Variants in TBC1D32 observed in about 807,000 individuals in gnomAD.
TBC1D32 encodes the protein protein broad-minded.
A neutral mutation model predicts 170.3 loss-of-function variants in TBC1D32; 151 were observed. The observed-to-expected ratio is 0.89, with a 90% CI of 0.78 to 1.01. The LOEUF (loss-of-function observed/expected upper bound fraction) is 1.01. Among genes scored for constraint, TBC1D32 ranks in the 50% least tolerant of loss-of-function variants. The pLI is 0.00. For synonymous variants in TBC1D32, 498 were observed against 488.0 expected (o/e 1.02, Z -0.27); for missense variants, 1,464 against 1,457.1 (o/e 1.00, Z -0.08).
chr6:121,236,850 C>T (rs570114850), intron 20 of TBC1D32: 8 of 152,056 alleles, frequency 5.3e-5, no homozygotes, highest in South Asian at 4.1e-4. Context: ...ATCCTATGTA[C>T]GATTTTATTT....
At chr6:121,273,569 T>A (rs1227543972) in intron 15 of TBC1D32, among the ~76,000 whole-genome samples, 1 of 150,606 alleles carries the variant, frequency 6.6e-6, no homozygotes, top group Non-Finnish European at 1.5e-5. Flanking sequence ...CACACCAACA[T>A]GACACACATA....
intron 29 of TBC1D32, among the ~76,000 whole-genome samples, chr6:121,108,327 G>A (rs573868448): frequency 6.6e-6 from 1 of 152,068 alleles, no homozygotes; most frequent in South Asian, 2.1e-4. Flanking sequence ...GAGTTTTGAT[G>A]TAATTTGTTT....
intron 21 of TBC1D32, among the ~76,000 whole-genome samples, chr6:121,211,522 G>T (rs576956879): frequency 6.6e-6 from 1 of 151,916 alleles, no homozygotes; most frequent in Admixed American, 6.6e-5. Context: ...ATGCCTTTGC[G>T]TCCTCATAGC....
chr6:121,109,194 T>C (rs1032331321), intron 29 of TBC1D32, among the ~76,000 whole-genome samples: 15 of 152,268 alleles, frequency 9.9e-5, no homozygotes, highest in African/African-American at 3.6e-4. Context: ...TAAATGTAAA[T>C]TTATACTTGA....
At chr6:121,158,166 A>G (rs946565364) in intron 24 of TBC1D32, among the ~76,000 whole-genome samples, 1 of 152,076 alleles carries the variant, frequency 6.6e-6, no homozygotes, top group Non-Finnish European at 1.5e-5. Context: ...ACATAATCTC[A>G]TATTTCTTGG....
At chr6:121,200,370 A>G (rs1033434467) in intron 22 of TBC1D32, among the ~76,000 whole-genome samples, 4 of 151,444 alleles carry the variant, frequency 2.6e-5, no homozygotes, top group Non-Finnish European at 5.9e-5. Flanking sequence ...GAAAACTATT[A>G]ATGTTAAATG....
intron 24 of TBC1D32, among the ~76,000 whole-genome samples, chr6:121,140,437 G>T (rs557249157): frequency 6.6e-6 from 1 of 151,760 alleles, no homozygotes; most frequent in East Asian, 1.9e-4. Flanking sequence ...AAACTATCTG[G>T]CTAAAAGTAT....
chr6:121,151,114 C>A (rs557358026), intron 24 of TBC1D32, among the ~76,000 whole-genome samples: 6 of 152,264 alleles, frequency 3.9e-5, no homozygotes, highest in African/African-American at 1.4e-4. Flanking sequence ...GATTTTAGGT[C>A]TTTCCCACTT....
intron 1 of TBC1D32, among the ~76,000 whole-genome samples, chr6:121,327,342 C>T (rs566742309): frequency 4.6e-5 from 7 of 152,298 alleles, no homozygotes; most frequent in African/African-American, 7.2e-5. Flanking sequence ...TACTGTGTTT[C>T]CTACATTGTA....
chr6:121,312,321 T>G (rs1487302560), intron 3 of TBC1D32, among the ~76,000 whole-genome samples: 3 of 152,038 alleles, frequency 2.0e-5, no homozygotes, highest in African/African-American at 7.3e-5. Flanking sequence ...GTAACTAACC[T>G]GCACATTCTG....
chr6:121,259,160 C>T (rs111682263), intron 15 of TBC1D32, among the ~76,000 whole-genome samples: 2,873 of 151,770 alleles, frequency 0.019, 103 homozygotes, highest in African/African-American at 0.066. Context: ...TAGCCCAGCA[C>T]GGTGGCGCAC....
intron 22 of TBC1D32, among the ~76,000 whole-genome samples, chr6:121,179,076 A>AC (rs1212885723): frequency 2.6e-5 from 4 of 152,164 alleles, no homozygotes; most frequent in Non-Finnish European, 5.9e-5. Flanking sequence ...GCAATAAAAA[A>AC]TAATACAAAC....
chr6:121,231,975 A>G (rs1322390250), intron 20 of TBC1D32, among the ~76,000 whole-genome samples: 2 of 152,056 alleles, frequency 1.3e-5, no homozygotes, highest in Non-Finnish European at 2.9e-5. Flanking sequence ...TTGAATTCCT[A>G]GTCATAAAGT....
chr6:121,310,722 C>T, intron 4 of TBC1D32, 57 bp downstream of exon 4: 1 of 1,117,724 alleles, frequency 8.9e-7, no homozygotes, highest in South Asian at 1.3e-5. Context: ...ATTGTAATCT[C>T]ATATATTGTA....
chr6:121,096,047 G>C (rs1338107740), intron 30 of TBC1D32: 1 of 152,140 alleles, frequency 6.6e-6, no homozygotes, highest in Non-Finnish European at 1.5e-5. Flanking sequence ...ATTCGGCTGT[G>C]AATTGGTCTG....
intron 30 of TBC1D32, among the ~76,000 whole-genome samples, chr6:121,098,860 G>A (rs972012740): frequency 6.6e-6 from 1 of 151,854 alleles, no homozygotes; most frequent in African/African-American, 2.4e-5. Flanking sequence ...TAACTCACAG[G>A]AAGGGAGAAG....
chr6:121,305,017 C>A lies in TBC1D32; in HGVS notation c.691-184G>T, dbSNP rs11968501. ...TGTGTCAGCAAAAATTAAAACTGAC[C>A]AAAACTAATATGTGAATCTAATAAC... On this transcript the variant is annotated intron_variant, in intron 5 of 31. Coordinates refer to ENST00000398212, the MANE Select transcript of TBC1D32 (RefSeq NM_152730.6). Among the ~76,000 whole-genome samples, 17,648 of 151,974 alleles carry A rather than the reference C, an allele frequency of 0.12. 1,469 individuals carry two copies. The highest frequency in any genetic ancestry group is 0.23 in the Admixed American group (3,537 of 15,256).
intron 22 of TBC1D32, among the ~76,000 whole-genome samples, chr6:121,182,170 GGACA>G (rs1788607926): frequency 6.6e-6 from 1 of 151,850 alleles, no homozygotes; most frequent in East Asian, 1.9e-4. Flanking sequence ...TAGAGGGAAG[GGACA>G]GAGTCATGAC....
At chr6:121,145,288 A>T (rs1783280125) in intron 24 of TBC1D32, among the ~76,000 whole-genome samples, 1 of 152,206 alleles carries the variant, frequency 6.6e-6, no homozygotes, top group African/African-American at 2.4e-5. Flanking sequence ...TCAGGCTTTA[A>T]AAAGAGAGAA....
Sources: gnomAD v4.1 joint callset for allele counts (sites outside exome capture counted in the v4.1 genomes callset) on GRCh38, gnomAD v4.1.1 for gene constraint, MANE v1.5 for transcripts, NCBI Gene and HGNC (gene_info 2026-07-23, HGNC 2026-07-21) for gene names.